Variants in TRPM7 observed in about 807,000 individuals in gnomAD.
TRPM7 encodes LTRPC ion channel family member 7.
In TRPM7, 134 loss-of-function variants were observed where a neutral mutation model predicts 229.7. The ratio of observed to expected loss-of-function variants is 0.58; its 90% CI spans 0.51 to 0.67. The LOEUF (loss-of-function observed/expected upper bound fraction) is 0.67, where lower values mean the gene tolerates loss of function less well. TRPM7 is among the 30% of genes least tolerant of loss of function. TRPM7 has a pLI of 0.00. For missense variants in TRPM7, 1,901 were observed against 2,210.0 expected (o/e 0.86, Z 2.80); for synonymous variants, 699 against 715.2 (o/e 0.98, Z 0.36).
At position 50,589,652 on chromosome 15, in the gene TRPM7, G is replaced by T. The variant is rs767948898; in HGVS notation, c.4329C>A (p.His1443Gln). ...ACCTCTGTAAATCCATGCTATCTCT[G>T]TGTCCTTTAATAGAAAAAAAGATGT... ...DNTEFGAFVG[H>Q]RDSMDLQRFK... is the part of the protein sequence containing the mutation. Residue 1443 changes from histidine to glutamine, a missense_variant, in exon 27 of 39, where the codon CAC becomes CAA. By Grantham distance (24) the His-to-Gln change is conservative. Transcript: ENST00000646667. 1.1e-5 allele frequency: 18 copies of T among 1,585,710 alleles called. No homozygotes were observed. The Admixed American group carries it at 3.1e-4, about 27-fold the overall frequency.
intron 3 of TRPM7, among the ~76,000 whole-genome samples, chr15:50,651,791 G>A (rs2061427733): frequency 6.6e-6 from 1 of 152,086 alleles, no homozygotes; most frequent in Non-Finnish European, 1.5e-5. Context: ...TCGGGAGGCT[G>A]AGGCAGAATT....
rs1340238969 is a variant in TRPM7, at chr15:50,655,906, C to T, written c.122+1875G>A. Among the ~76,000 whole-genome samples, 3 of 151,956 alleles carry T rather than the reference C, an allele frequency of 2.0e-5. 1 individual carries two copies. The highest frequency in any genetic ancestry group is 6.8e-3 in the Middle Eastern group (2 of 292). ...TGGGGAGGCTGAGGCAGGAGAATCA[C>T]TTGAACCTGGGAGGCAAAGGTTGCT... is the stretch of plus-strand genomic sequence containing the variant. On this transcript the variant is annotated intron_variant, in intron 3 of 38. Coordinates refer to ENST00000646667, the MANE Select transcript of TRPM7 (RefSeq NM_017672.6).
intron 1 of TRPM7, among the ~76,000 whole-genome samples, chr15:50,679,118 C>G (rs1466492228): frequency 7.1e-6 from 1 of 140,008 alleles, no homozygotes; most frequent in African/African-American, 2.8e-5. Flanking sequence ...GTGATCCACC[C>G]GCCTCAGCCT....
In TRPM7 at chr15:50,568,099, G is replaced by A. The variant is rs1187066806; in HGVS notation, c.5467+1788C>T. 8.6e-3 allele frequency among the ~76,000 whole-genome samples: 810 copies of A among 93,696 alleles called. 15 individuals carry two copies. Among genetic ancestry groups the A allele is most frequent in the African/African-American group, 0.032 (765 of 24,064 alleles). 61.5% of individuals were successfully genotyped at this position (93,696 alleles called of 152,430 possible). On this transcript the variant is annotated intron_variant, in intron 38 of 38. Coordinates refer to ENST00000646667, the MANE Select transcript of TRPM7 (RefSeq NM_017672.6). ...GTCTCAAAAAAAAAAAAAAAAGAGC[G>A]AGACTCTGTCTCAAAAAAAAAAAAA...
At chr15:50,672,186 TG>T (rs2062003981) in intron 1 of TRPM7, among the ~76,000 whole-genome samples, 1 of 152,238 alleles carries the variant, frequency 6.6e-6, no homozygotes, top group South Asian at 2.1e-4. Context: ...CCTGAGCAGC[TG>T]GGACTACAGG....
rs148131145 is a variant in TRPM7, at chr15:50,670,386, T to C, written c.4-7340A>G. ...TGAGATGGGAGTCCAACATAAGATATAGGCCATAAAGACTGTGCTGATAAA... is the reference window on the plus strand; with the variant it reads ...TGAGATGGGAGTCCAACATAAGATACAGGCCATAAAGACTGTGCTGATAAA... On this transcript the variant is annotated intron_variant, in intron 1 of 38. Transcript: ENST00000646667. Among the ~76,000 whole-genome samples, 903 of 152,128 alleles carry C rather than the reference T, an allele frequency of 5.9e-3. 7 individuals are homozygous for C. Among genetic ancestry groups the C allele is most frequent in the East Asian group, 0.021 (107 of 5,180 alleles).
chr15:50,647,028 A>C (rs775851249), intron 4 of TRPM7, among the ~76,000 whole-genome samples: 2 of 152,222 alleles, frequency 1.3e-5, no homozygotes, highest in Non-Finnish European at 2.9e-5. Flanking sequence ...AGCATGATGA[A>C]ATTGCCTAAC....
chr15:50,602,870 G>A (rs1426769002), intron 21 of TRPM7, among the ~76,000 whole-genome samples: 3 of 152,208 alleles, frequency 2.0e-5, no homozygotes, highest in Non-Finnish European at 4.4e-5. Context: ...CATCCTAGCA[G>A]AGGGTGGTTC....
intron 5 of TRPM7, among the ~76,000 whole-genome samples, chr15:50,642,724 G>A (rs71471504): frequency 2.0e-3 from 302 of 152,090 alleles, no homozygotes; most frequent in Non-Finnish European, 3.7e-3. Flanking sequence ...ACCAAGTCTC[G>A]GGCAGTTCTT....
intron 3 of TRPM7, among the ~76,000 whole-genome samples, chr15:50,651,221 T>A (rs975842297): frequency 1.3e-5 from 2 of 150,372 alleles, no homozygotes; most frequent in Admixed American, 6.9e-5. Flanking sequence ...CAAAGAATAC[T>A]GAGGCATGCA....
chr15:50,663,099 A>C (rs1449696849), intron 1 of TRPM7, 53 bp from the exon 2 acceptor site: 4 of 1,376,944 alleles, frequency 2.9e-6, no homozygotes, highest in African/African-American at 2.9e-5. Flanking sequence ...CTAAATAAGA[A>C]GGAAACAATT....
At chr15:50,583,181 TA>T in intron 28 of TRPM7, 22 bp from the exon 29 acceptor site, 1 of 1,564,522 alleles carries the variant, frequency 6.4e-7, no homozygotes, top group Non-Finnish European at 8.7e-7. Flanking sequence ...TTAAAAAATA[TA>T]AAAAAGCTAC....
At chr15:50,631,292 T>C (rs1022466653) in intron 10 of TRPM7, 125 bp downstream of exon 10, 3 of 446,508 alleles carry the variant, frequency 6.7e-6, no homozygotes, top group East Asian at 7.1e-5. Flanking sequence ...AAAATTCACT[T>C]TGCAAGCATT....
rs1177176421 is a variant in TRPM7, at chr15:50,628,265, A to G, written c.1205-16T>C. On this transcript the variant is annotated splice_polypyrimidine_tract_variant and intron_variant, in intron 10 of 38. Coordinates refer to ENST00000646667, the MANE Select transcript of TRPM7 (RefSeq NM_017672.6). ...GCATTAGTACCTAATCGAATAAAGA[A>G]AATAGTTGACAGGTTCAATTAATTT... 1 of 1,558,050 alleles carries G rather than the reference A, an allele frequency of 6.4e-7. No individual in the cohort carries two copies.
chr15:50,578,706 T>C, intron 30 of TRPM7, 42 bp from the exon 31 acceptor site: 2 of 1,462,646 alleles, frequency 1.4e-6, no homozygotes, highest in Middle Eastern at 1.8e-4. Context: ...TGTGCTATGA[T>C]TTAAGTTTTG....
At chr15:50,655,202 A>G (rs959584980) in intron 3 of TRPM7, among the ~76,000 whole-genome samples, 2 of 151,426 alleles carry the variant, frequency 1.3e-5, no homozygotes, top group Non-Finnish European at 2.9e-5. Context: ...TTGGGTGGCC[A>G]AGGCGGGCGA....
chr15:50,627,866 G>A lies in TRPM7; in HGVS notation c.1305+283C>T, dbSNP rs753120664. On this transcript the variant is annotated intron_variant, in intron 11 of 38. Transcript: ENST00000646667. ...AAAGGAATAGGTCTAAACATCAGGG[G>A]GAATGCTAGAATGGACTCTCTGGTA... Among the ~76,000 whole-genome samples, 158 of 152,242 alleles carry A rather than the reference G, an allele frequency of 1.0e-3. 2 individuals carry two copies. The highest frequency in any genetic ancestry group is 3.7e-3 in the African/African-American group (152 of 41,552).
At chr15:50,651,925 T>A (rs1175542710) in intron 3 of TRPM7, among the ~76,000 whole-genome samples, 2 of 151,612 alleles carry the variant, frequency 1.3e-5, no homozygotes, top group South Asian at 2.1e-4. Flanking sequence ...AATAATAATT[T>A]TCTAAATAAA....
chr15:50,590,226 A>G (rs1480136774), intron 26 of TRPM7, among the ~76,000 whole-genome samples: 1 of 152,170 alleles, frequency 6.6e-6, no homozygotes, highest in Non-Finnish European at 1.5e-5. Flanking sequence ...ATGTGATATG[A>G]ATAAATAGCT....
Sources: gnomAD v4.1 joint callset for allele counts (sites outside exome capture counted in the v4.1 genomes callset) on GRCh38, gnomAD v4.1.1 for gene constraint, MANE v1.5 for transcripts, NCBI Gene and HGNC (gene_info 2026-07-23, HGNC 2026-07-21) for gene names.